The following APBB2 variants were observed in gnomAD, a reference collection of about 807,000 sequenced individuals.
APBB2 encodes Fe65-like 1.
In APBB2, 38 loss-of-function variants were observed where a neutral mutation model predicts 82.5. The observed-to-expected ratio is 0.46, with a 90% CI of 0.36 to 0.60. The LOEUF is 0.60. Ranked by LOEUF, APBB2 falls within the 20% of genes least tolerant of loss-of-function variation. The pLI, the probability that APBB2 is intolerant of heterozygous loss-of-function variation, is 0.00. For synonymous variants in APBB2, 341 were observed against 368.2 expected (o/e 0.93, Z 0.85); for missense variants, 772 against 972.3 (o/e 0.79, Z 2.74).
intron 2 of APBB2, among the ~76,000 whole-genome samples, chr4:41,126,930 C>T (rs1252581259): frequency 6.6e-6 from 1 of 152,164 alleles, no homozygotes; most frequent in Non-Finnish European, 1.5e-5. Flanking sequence ...TCTTTAAAGA[C>T]TTTGTCTCCA....
chr4:41,120,891 C>G (rs964991540), intron 2 of APBB2, among the ~76,000 whole-genome samples: 1 of 152,220 alleles, frequency 6.6e-6, no homozygotes, highest in African/African-American at 2.4e-5. Context: ...AAAACTTCAG[C>G]TCTGCCTCAG....
intron 4 of APBB2, among the ~76,000 whole-genome samples, chr4:41,055,323 G>A (rs1455015305): frequency 1.3e-5 from 2 of 152,092 alleles, no homozygotes; most frequent in East Asian, 3.9e-4. Context: ...CTCCTCTACT[G>A]GAAGGCTTTC....
intron 3 of APBB2, among the ~76,000 whole-genome samples, chr4:41,081,087 T>C (rs1172421723): frequency 6.6e-6 from 1 of 152,248 alleles, no homozygotes; most frequent in Non-Finnish European, 1.5e-5. Flanking sequence ...TCTCTTGACG[T>C]ATCTAATGGC....
At chr4:40,891,737 G>A (rs1306951775) in intron 11 of APBB2, among the ~76,000 whole-genome samples, 2 of 152,178 alleles carry the variant, frequency 1.3e-5, no homozygotes, top group Non-Finnish European at 2.9e-5. Flanking sequence ...CAGAACTTGT[G>A]CACTGTTGTG....
At chr4:40,959,553 C>T (rs1177492428) in intron 6 of APBB2, among the ~76,000 whole-genome samples, 1 of 152,086 alleles carries the variant, frequency 6.6e-6, no homozygotes, top group African/African-American at 2.4e-5. Context: ...ACTTGATTTC[C>T]CACTTAAGTT....
chr4:40,916,596 A>G (rs2154365708), intron 10 of APBB2, among the ~76,000 whole-genome samples: 1 of 152,348 alleles, frequency 6.6e-6, no homozygotes, highest in Admixed American at 6.5e-5. Flanking sequence ...AGTAGGTAAC[A>G]TACCCGTGTC....
At chr4:41,172,922 G>C (rs960607518) in intron 1 of APBB2, among the ~76,000 whole-genome samples, 1 of 152,152 alleles carries the variant, frequency 6.6e-6, no homozygotes, top group South Asian at 2.1e-4. Context: ...AAAACATCAA[G>C]AAAGGAAATG....
rs1560527176 is a variant in APBB2, at chr4:41,014,195, T to A, written c.223A>T (p.Ile75Phe). 1 of 1,614,192 alleles carries A rather than the reference T, an allele frequency of 6.2e-7. No individual in the cohort carries two copies. ...TCCGAGAGGCCCATGGCCGCCTGGATGTTAGTTAGTGCATATTTTTTCCTG... is the reference window on the plus strand; with the variant it reads ...TCCGAGAGGCCCATGGCCGCCTGGAAGTTAGTTAGTGCATATTTTTTCCTG... ...KCRKKYALTN[I>F]QAAMGLSDPA... The change falls in exon 6 of 18, where the codon ATC becomes TTC. Residue 75 changes from isoleucine (I) to phenylalanine (F), a missense_variant. Transcript: ENST00000508593.
chr4:40,968,853 C>G (rs1331704704), intron 6 of APBB2, among the ~76,000 whole-genome samples: 1 of 152,176 alleles, frequency 6.6e-6, no homozygotes, highest in Non-Finnish European at 1.5e-5. Flanking sequence ...TGAATTGTAG[C>G]TCTCATAATT....
intron 4 of APBB2, among the ~76,000 whole-genome samples, chr4:41,063,727 G>A (rs181100084): frequency 2.6e-5 from 4 of 152,152 alleles, no homozygotes; most frequent in South Asian, 2.1e-4. Flanking sequence ...CACCCACGCC[G>A]GAATGCAGTG....
At chr4:40,962,157 A>G (rs1194088870) in intron 6 of APBB2, among the ~76,000 whole-genome samples, 1 of 152,184 alleles carries the variant, frequency 6.6e-6, no homozygotes, top group Non-Finnish European at 1.5e-5. Context: ...GAGTTTTTCA[A>G]AGATGCAGGG....
rs535815586 is a variant in APBB2 at position 41,203,903 on chromosome 4, C to T, written c.-417+10502G>A. 3.6e-4 allele frequency among the ~76,000 whole-genome samples: 55 copies of T among 152,330 alleles called. 1 individual carries two copies. The South Asian group carries it at 0.011, about 29-fold the overall frequency. Reference sequence around the variant, plus strand: ...ACATCCCTGACAACTGAACCAAACACTTTTACTCTATATTGTTTTATCTTA... The same window carrying T: ...ACATCCCTGACAACTGAACCAAACATTTTTACTCTATATTGTTTTATCTTA... On this transcript the variant is annotated intron_variant, in intron 1 of 17. Transcript: ENST00000508593.
intron 1 of APBB2, among the ~76,000 whole-genome samples, chr4:41,146,848 A>T (rs1296781498): frequency 6.6e-6 from 1 of 152,194 alleles, no homozygotes; most frequent in Admixed American, 6.5e-5. Context: ...CAAAGGCATG[A>T]ACTGTGAGGC....
At chr4:40,895,820 T>G (rs528970917) in intron 10 of APBB2, among the ~76,000 whole-genome samples, 1 of 152,288 alleles carries the variant, frequency 6.6e-6, no homozygotes, top group African/African-American at 2.4e-5. Context: ...ATTATCTCAG[T>G]GAGTCCTCAC....
chr4:41,191,289 A>G (rs1774362641), intron 1 of APBB2, among the ~76,000 whole-genome samples: 1 of 152,202 alleles, frequency 6.6e-6, no homozygotes, highest in Non-Finnish European at 1.5e-5. Context: ...GCTTAACATA[A>G]TCGAACCACG....
Position 41,076,340 on chromosome 4 carries a change from C to T in APBB2, c.-148-10667G>A, listed in dbSNP as rs571852009. Among the ~76,000 whole-genome samples the T allele has an allele frequency of 2.2e-4, 34 of 152,252 alleles. No homozygotes were observed. The South Asian group carries it at 7.1e-3, about 32-fold the overall frequency. On this transcript the variant is annotated intron_variant, in intron 3 of 17. Transcript: ENST00000508593. ...CATTTTAAGGAGTAAAACTCCATAT[C>T]TTTGCTAAACCATGAAGCTTGCTAT...
intron 2 of APBB2, among the ~76,000 whole-genome samples, chr4:41,103,887 TAA>T (rs796373754): frequency 3.3e-5 from 5 of 152,318 alleles, no homozygotes; most frequent in African/African-American, 1.2e-4. Flanking sequence ...TTCTATCTCA[TAA>T]TTCAAGGACA....
At chr4:41,123,987 T>C (rs1022686499) in intron 2 of APBB2, among the ~76,000 whole-genome samples, 5 of 152,248 alleles carry the variant, frequency 3.3e-5, no homozygotes, top group East Asian at 1.9e-4. Context: ...ACTCTGCTGC[T>C]GTACCATGAA....
At chr4:40,960,531 T>C (rs1329839639) in intron 6 of APBB2, among the ~76,000 whole-genome samples, 2 of 146,150 alleles carry the variant, frequency 1.4e-5, no homozygotes, top group Non-Finnish European at 1.5e-5. Flanking sequence ...CACTGCAAGC[T>C]CTGCCTCCCG....
Sources: allele counts gnomAD v4.1 joint callset (sites outside exome capture counted in the v4.1 genomes callset), GRCh38; gene constraint gnomAD v4.1.1; transcripts MANE v1.5; gene names NCBI Gene and HGNC (gene_info 2026-07-23, HGNC 2026-07-21).